TMEM178B: variants seen among roughly 807,000 people sequenced by gnomAD.
The protein encoded by TMEM178B is transmembrane protein 178B.
TMEM178B carries 5 observed loss-of-function variants against 31.0 expected under a neutral mutation model. The observed-to-expected ratio is 0.16, with a 90% confidence interval of 0.08 to 0.34. TMEM178B has a LOEUF of 0.34. Ranked by LOEUF, TMEM178B falls within the 10% of genes least tolerant of loss-of-function variation. The pLI, the probability that TMEM178B is intolerant of heterozygous loss-of-function variation, is 1.00. For synonymous variants in TMEM178B, 164 were observed against 164.0 expected, an observed-to-expected ratio of 1.00 and a Z score of 0.00; for missense variants, 275 against 400.3, an observed-to-expected ratio of 0.69 and a Z score of 2.67.
chr7:141,374,919 C>T (rs1374562057), intron 2 of TMEM178B, among the ~76,000 whole-genome samples: 1 of 152,210 alleles, frequency 6.6e-6, no homozygotes, highest in Non-Finnish European at 1.5e-5. Flanking sequence ...GGGCACACGA[C>T]ACCTTCTGCA....
intron 1 of TMEM178B, among the ~76,000 whole-genome samples, chr7:141,207,789 G>A (rs1422476651): frequency 6.6e-6 from 1 of 152,150 alleles, no homozygotes; most frequent in Non-Finnish European, 1.5e-5. Flanking sequence ...AGGGATGGTG[G>A]TTCACGCCTG....
At chr7:141,264,803 C>T (rs1798068589) in intron 2 of TMEM178B, among the ~76,000 whole-genome samples, 1 of 152,074 alleles carries the variant, frequency 6.6e-6, no homozygotes, top group Non-Finnish European at 1.5e-5. Flanking sequence ...GTTGTACATC[C>T]ATATAGGCAG....
chr7:141,500,433 C>T, the TMEM178B span, among the ~76,000 whole-genome samples: 1 of 152,116 alleles, frequency 6.6e-6, no homozygotes, highest in Non-Finnish European at 1.5e-5. Flanking sequence ...TTGAAAGAAA[C>T]CTTTTTCTTA....
rs931017112 is a variant in TMEM178B, at chr7:141,344,372, A to G, written c.497-93236A>G. ...GCCTGAGCTCAGAACCCCTGGTCCG[A>G]TAGCCCTTCAGTCACTGAACTTCAT... On this transcript the variant is annotated intron_variant, in intron 2 of 3. Transcript: ENST00000565468. The surrounding 1 kb of genome is among the most constrained non-coding windows in gnomAD (Gnocchi z 4.1). 2.0e-5 allele frequency among the ~76,000 whole-genome samples: 3 copies of G among 152,220 alleles called. No homozygotes were observed. Among genetic ancestry groups the G allele is most frequent in the Non-Finnish European group, 4.4e-5 (3 of 68,032 alleles).
chr7:141,195,271 G>A (rs1474967719), intron 1 of TMEM178B, among the ~76,000 whole-genome samples: 3 of 152,148 alleles, frequency 2.0e-5, no homozygotes, highest in Non-Finnish European at 1.5e-5. Flanking sequence ...TTTATGCTCT[G>A]CTTTCCTCAT....
the TMEM178B span, among the ~76,000 whole-genome samples, chr7:141,490,473 T>TAA: frequency 6.6e-6 from 1 of 152,182 alleles, no homozygotes; most frequent in Non-Finnish European, 1.5e-5. Context: ...TGATTGCCAG[T>TAA]AACAACCAGC....
intron 1 of TMEM178B, among the ~76,000 whole-genome samples, chr7:141,113,368 A>T (rs1366298234): frequency 6.6e-6 from 1 of 152,198 alleles, no homozygotes; most frequent in Admixed American, 6.5e-5. Context: ...TCTCCACATC[A>T]CACAGCTTGC....
intron 2 of TMEM178B, among the ~76,000 whole-genome samples, chr7:141,279,751 T>C (rs1230327386): frequency 1.3e-5 from 2 of 152,100 alleles, no homozygotes; most frequent in Non-Finnish European, 2.9e-5. Flanking sequence ...ATGACTGGAG[T>C]GTCTCTCGAG....
At chr7:141,263,330 CG>C (rs1798044444) in intron 2 of TMEM178B, among the ~76,000 whole-genome samples, 1 of 152,110 alleles carries the variant, frequency 6.6e-6, no homozygotes, top group Admixed American at 6.5e-5. Context: ...GGAATAGTGG[CG>C]ATAACATTTT....
chr7:141,105,574 C>T (rs543998694), intron 1 of TMEM178B, among the ~76,000 whole-genome samples: 2 of 152,194 alleles, frequency 1.3e-5, no homozygotes, highest in Admixed American at 6.5e-5. Flanking sequence ...AATAGAAATG[C>T]ACATTAATAT....
chr7:141,363,039 G>A lies in TMEM178B; in HGVS notation c.497-74569G>A, dbSNP rs192958821. ...CCTCTGGAGACAGAGCAGGCCGAGA[G>A]CTCCCATGCCAGTGGATTCTGGAAA... On this transcript the variant is annotated intron_variant, in intron 2 of 3. Coordinates refer to ENST00000565468, the MANE Select transcript of TMEM178B (RefSeq NM_001195278.2). Among the ~76,000 whole-genome samples, 15 of 152,358 alleles carry A rather than the reference G, an allele frequency of 9.8e-5. No individual in the cohort carries two copies. In the East Asian group the frequency reaches 2.5e-3, roughly 25 times the overall value.
At chr7:141,098,965 A>G (rs1176053056) in intron 1 of TMEM178B, among the ~76,000 whole-genome samples, 1 of 152,082 alleles carries the variant, frequency 6.6e-6, no homozygotes, top group African/African-American at 2.4e-5. Context: ...CAAAAACCAA[A>G]CCCAAAACAA....
intron 2 of TMEM178B, among the ~76,000 whole-genome samples, chr7:141,257,675 CG>C (rs1408350748): frequency 6.6e-6 from 1 of 152,100 alleles, no homozygotes; most frequent in African/African-American, 2.4e-5. Context: ...GAAGATGGAG[CG>C]GGGAGGCAAG....
At chr7:141,287,547 A>G (rs944655372) in intron 2 of TMEM178B, among the ~76,000 whole-genome samples, 3 of 152,196 alleles carry the variant, frequency 2.0e-5, no homozygotes, top group Admixed American at 6.5e-5. Flanking sequence ...AGTAATCAAC[A>G]TCTCTTCCAT....
chr7:141,433,455 G>A (rs2116674003), intron 2 of TMEM178B, among the ~76,000 whole-genome samples: 2 of 152,314 alleles, frequency 1.3e-5, no homozygotes, highest in South Asian at 2.1e-4. Flanking sequence ...CAGCCCTGCA[G>A]ACTTTTGTTG....
intron 2 of TMEM178B, among the ~76,000 whole-genome samples, chr7:141,257,051 G>A (rs1354622416): frequency 2.0e-5 from 3 of 152,130 alleles, no homozygotes; most frequent in Non-Finnish European, 4.4e-5. Context: ...CCAACAACTC[G>A]TATTGAGACA....
intron 1 of TMEM178B, among the ~76,000 whole-genome samples, chr7:141,195,127 T>C (rs1796761174): frequency 6.6e-6 from 1 of 152,192 alleles, no homozygotes; most frequent in Non-Finnish European, 1.5e-5. Flanking sequence ...CCTGGAGACA[T>C]TTTCCCCATG....
chr7:141,494,559 T>C, the TMEM178B span, among the ~76,000 whole-genome samples: 1 of 152,148 alleles, frequency 6.6e-6, no homozygotes, highest in Admixed American at 6.5e-5. Flanking sequence ...CATATTAAAA[T>C]TGTTATGAGG....
At chr7:141,311,257 ATGTAACAAACAGGCACATCC>A (rs1798905426) in intron 2 of TMEM178B, among the ~76,000 whole-genome samples, 1 of 152,224 alleles carries the variant, frequency 6.6e-6, no homozygotes, top group Non-Finnish European at 1.5e-5. Context: ...ACATTTACCT[ATGTAACAAACAGGCACATCC>A]TGCACATGTA....
Sources: gnomAD v4.1 joint callset for allele counts (sites outside exome capture counted in the v4.1 genomes callset) on GRCh38, gnomAD v4.1.1 for gene constraint, Gnocchi (gnomAD v3.1) non-coding constraint, MANE v1.5 for transcripts, NCBI Gene and HGNC (gene_info 2026-07-23, HGNC 2026-07-21) for gene names.